The following SHC4 variants were observed in gnomAD, a reference collection of about 807,000 sequenced individuals.
SHC4 encodes the protein SHC-transforming protein 4.
A neutral mutation model predicts 69.4 loss-of-function variants in SHC4; 41 were observed. That is an observed-to-expected ratio of 0.59 (90% CI 0.46 to 0.77). SHC4 has a LOEUF of 0.77. Among genes scored for constraint, SHC4 ranks in the 30% least tolerant of loss-of-function variants. SHC4 has a pLI of 0.00. For missense variants in SHC4, 777 were observed against 783.8 expected (o/e 0.99, Z 0.10); for synonymous variants, 318 against 299.3 (o/e 1.06, Z -0.64).
At chr15:48,918,261 A>T (rs900100934) in intron 2 of SHC4, among the ~76,000 whole-genome samples, 7 of 150,626 alleles carry the variant, frequency 4.6e-5, no homozygotes, top group African/African-American at 1.5e-4. Context: ...ATTTGATTTG[A>T]GTGTGGTGTT....
chr15:48,902,350 T>A (rs1199999619), intron 2 of SHC4, among the ~76,000 whole-genome samples: 2 of 152,168 alleles, frequency 1.3e-5, no homozygotes, highest in African/African-American at 4.8e-5. Context: ...TAGTAACGGA[T>A]GGTATAAGTT....
intron 2 of SHC4, among the ~76,000 whole-genome samples, chr15:48,891,355 A>C (rs1900135376): frequency 6.6e-6 from 1 of 152,218 alleles, no homozygotes; most frequent in Admixed American, 6.5e-5. Context: ...CTTTCATGTA[A>C]TTTCACAGAA....
intron 1 of SHC4, among the ~76,000 whole-genome samples, chr15:48,954,593 C>T (rs1044633810): frequency 6.6e-6 from 1 of 152,188 alleles, no homozygotes; most frequent in Non-Finnish European, 1.5e-5. Context: ...AGGGGACTAG[C>T]GGATAAACAT....
intron 5 of SHC4, among the ~76,000 whole-genome samples, chr15:48,871,132 T>C (rs966713294): frequency 3.3e-5 from 5 of 152,226 alleles, no homozygotes; most frequent in Admixed American, 2.0e-4. Flanking sequence ...TTAAACTGAA[T>C]TGTATTGGTT....
At chr15:48,870,214 G>A (rs1485544501) in intron 5 of SHC4, among the ~76,000 whole-genome samples, 1 of 152,166 alleles carries the variant, frequency 6.6e-6, no homozygotes, top group Non-Finnish European at 1.5e-5. Context: ...GAAAGTGCTG[G>A]TATTTTTCAG....
chr15:48,860,573 G>C (rs1899422354), intron 6 of SHC4, among the ~76,000 whole-genome samples: 1 of 151,850 alleles, frequency 6.6e-6, no homozygotes, highest in African/African-American at 2.4e-5. Context: ...TATCAAAATG[G>C]AAACAACAAT....
intron 6 of SHC4, among the ~76,000 whole-genome samples, chr15:48,866,774 T>C (rs1899569259): frequency 1.3e-5 from 2 of 152,214 alleles, no homozygotes; most frequent in Non-Finnish European, 2.9e-5. Context: ...TCCTATTCCA[T>C]GTCCACTTAA....
chr15:48,963,075 A>T lies in SHC4; in HGVS notation c.-60T>A. On this transcript the variant is annotated 5_prime_UTR_variant, in exon 1 of 12. Transcript: ENST00000332408. The stretch of plus-strand genomic sequence containing the variant: ...TAAATCGCCTCGTCGTCTGGTAGAT[A>T]AACGGTGCAGACATCAGATACCTCA... The T allele has an allele frequency of 6.6e-7, 1 of 1,520,912 alleles. No individual in the cohort carries two copies. The highest frequency in any genetic ancestry group is 1.4e-5 in the African/African-American group (1 of 73,132). 94.2% of individuals were successfully genotyped at this position (1,520,912 alleles called of 1,614,324 possible). A position where few individuals can be genotyped will look rare whatever the true frequency, so the allele number is the denominator to read the frequency against.
At chr15:48,890,950 C>T (rs1900125632) in intron 2 of SHC4, 139 bp from the exon 3 acceptor site, 3 of 892,386 alleles carry the variant, frequency 3.4e-6, no homozygotes, top group South Asian at 3.0e-5. Context: ...ATTCTCCCAG[C>T]CCCACAGGAG....
intron 2 of SHC4, among the ~76,000 whole-genome samples, chr15:48,921,721 G>A (rs573565211): frequency 9.9e-5 from 15 of 152,192 alleles, no homozygotes; most frequent in Non-Finnish European, 1.5e-4. Context: ...GGATGGTGAC[G>A]ATAGTTGCGC....
intron 3 of SHC4, among the ~76,000 whole-genome samples, chr15:48,890,256 A>C (rs565794727): frequency 6.6e-6 from 1 of 152,354 alleles, no homozygotes; most frequent in East Asian, 1.9e-4. Context: ...AGGGAAAGCT[A>C]CTGTACCCAT....
At chr15:48,938,650 T>G (rs555203207) in intron 1 of SHC4, among the ~76,000 whole-genome samples, 1 of 152,174 alleles carries the variant, frequency 6.6e-6, no homozygotes, top group African/African-American at 2.4e-5. Flanking sequence ...GAGGCACAGA[T>G]AGAAAGCCAC....
intron 2 of SHC4, among the ~76,000 whole-genome samples, chr15:48,908,077 T>C (rs574208684): frequency 1.1e-4 from 16 of 152,258 alleles, no homozygotes; most frequent in African/African-American, 2.2e-4. Flanking sequence ...AGTAGTGGGA[T>C]TGCTGGATCA....
At chr15:48,895,649 T>C (rs1350126962) in intron 2 of SHC4, among the ~76,000 whole-genome samples, 2 of 152,094 alleles carry the variant, frequency 1.3e-5, no homozygotes, top group Non-Finnish European at 2.9e-5. Flanking sequence ...CAAACACATA[T>C]GAGTGTGCAC....
chr15:48,889,420 A>T (rs2141005121), intron 3 of SHC4, among the ~76,000 whole-genome samples: 1 of 152,342 alleles, frequency 6.6e-6, no homozygotes, highest in Non-Finnish European at 1.5e-5. Flanking sequence ...TAAGCTGGGA[A>T]TCTGAAGACT....
At chr15:48,887,759 T>C (rs977355197) in intron 3 of SHC4, among the ~76,000 whole-genome samples, 8 of 152,114 alleles carry the variant, frequency 5.3e-5, no homozygotes, top group Admixed American at 4.6e-4. Context: ...TTTAGCTAGA[T>C]GAACTAAGGC....
At chr15:48,832,796 G>T (rs545590355) in intron 11 of SHC4, among the ~76,000 whole-genome samples, 6 of 152,138 alleles carry the variant, frequency 3.9e-5, no homozygotes, top group South Asian at 2.1e-4. Context: ...CTTTGAGTTT[G>T]CTGGTTTTTT....
chr15:48,956,239 A>T (rs1336725916), intron 1 of SHC4, among the ~76,000 whole-genome samples: 1 of 152,178 alleles, frequency 6.6e-6, no homozygotes, highest in Non-Finnish European at 1.5e-5. Context: ...AATAACTTAG[A>T]AAAGAAGGAA....
At chr15:48,943,898 G>A (rs1358109577) in intron 1 of SHC4, among the ~76,000 whole-genome samples, 1 of 151,980 alleles carries the variant, frequency 6.6e-6, no homozygotes, top group Non-Finnish European at 1.5e-5. Context: ...ATCTCCTTGG[G>A]CCCCTGGCTT....
Sources: allele counts gnomAD v4.1 joint callset (sites outside exome capture counted in the v4.1 genomes callset), GRCh38; gene constraint gnomAD v4.1.1; transcripts MANE v1.5; gene names NCBI Gene and HGNC (gene_info 2026-07-23, HGNC 2026-07-21).